The following GRHL2 variants were observed in gnomAD, a reference collection of about 807,000 sequenced individuals.
The protein encoded by GRHL2 is grainyhead like transcription factor 2, also known as grainyhead-like protein 2 homolog.
Under a neutral mutation model 83.8 loss-of-function variants are expected in GRHL2, and 21 were observed. That is an observed-to-expected ratio of 0.25 (90% CI 0.18 to 0.36). The LOEUF (loss-of-function observed/expected upper bound fraction) is 0.36. Ranked by LOEUF, GRHL2 falls within the 10% of genes least tolerant of loss-of-function variation. The pLI is 1.00. For synonymous variants in GRHL2, 280 were observed against 278.9 expected, an observed-to-expected ratio of 1.00 and a Z score of -0.04; for missense variants, 623 against 781.8, an observed-to-expected ratio of 0.80 and a Z score of 2.42.
At chr8:101,646,543 T>C (rs1813515026) in intron 13 of GRHL2, among the ~76,000 whole-genome samples, 1 of 152,232 alleles carries the variant, frequency 6.6e-6, no homozygotes, top group Admixed American at 6.5e-5. Context: ...ACTGGGCCCC[T>C]TGCTTGGAGC....
chr8:101,555,055 A>G (rs1039266885), intron 3 of GRHL2, among the ~76,000 whole-genome samples: 2 of 152,220 alleles, frequency 1.3e-5, no homozygotes, highest in African/African-American at 4.8e-5. Flanking sequence ...ACCAAATCCA[A>G]AAAATATTTT....
intron 7 of GRHL2, among the ~76,000 whole-genome samples, chr8:101,586,729 G>C (rs897692958): frequency 5.9e-5 from 9 of 152,128 alleles, no homozygotes; most frequent in African/African-American, 1.7e-4. Flanking sequence ...TTGCATAATC[G>C]ATGAGCACAC....
intron 7 of GRHL2, among the ~76,000 whole-genome samples, chr8:101,583,061 A>G (rs1812089709): frequency 6.6e-6 from 1 of 152,168 alleles, no homozygotes; most frequent in South Asian, 2.1e-4. Context: ...TTTAATAAGG[A>G]CAGACAGTGG....
intron 4 of GRHL2, chr8:101,562,175 A>G: frequency 1.6e-6 from 1 of 619,038 alleles, no homozygotes; most frequent in South Asian, 1.4e-5. Flanking sequence ...TTATAAATTT[A>G]GCTTGGCGTT....
intron 11 of GRHL2, 25 bp downstream of exon 11, chr8:101,632,390 C>T (rs1813203652): frequency 1.2e-6 from 2 of 1,613,642 alleles, no homozygotes; most frequent in East Asian, 4.5e-5. Flanking sequence ...CTAACGCCCA[C>T]CTCCCATCCA....
chr8:101,662,415 G>A (rs1307253932), intron 14 of GRHL2, among the ~76,000 whole-genome samples: 3 of 152,212 alleles, frequency 2.0e-5, no homozygotes, highest in South Asian at 4.1e-4. Flanking sequence ...AGTTCTTCCC[G>A]TGGGGTGAGA....
chr8:101,675,985 G>T, the GRHL2 span, among the ~76,000 whole-genome samples: 2 of 152,302 alleles, frequency 1.3e-5, no homozygotes, highest in Non-Finnish European at 2.9e-5. Flanking sequence ...AACAAATGAT[G>T]CTGGGAAAAC....
chr8:101,641,032 T>G (rs1385116749), intron 12 of GRHL2, among the ~76,000 whole-genome samples: 3 of 152,130 alleles, frequency 2.0e-5, no homozygotes, highest in Non-Finnish European at 2.9e-5. Context: ...CCTTTGAAAA[T>G]GATTCCTCTG....
intron 1 of GRHL2, among the ~76,000 whole-genome samples, chr8:101,537,007 C>T (rs1161369152): frequency 6.6e-6 from 1 of 151,950 alleles, no homozygotes; most frequent in African/African-American, 2.4e-5. Flanking sequence ...TTGGCTCCCA[C>T]TTATAAGTGA....
chr8:101,508,331 A>G (rs1033015429), intron 1 of GRHL2, among the ~76,000 whole-genome samples: 3 of 150,012 alleles, frequency 2.0e-5, no homozygotes, highest in Admixed American at 1.3e-4. Flanking sequence ...GTCTTTGCCA[A>G]TTTGGTAGAT....
chr8:101,627,341 T>A (rs137886309), intron 9 of GRHL2, among the ~76,000 whole-genome samples: 2 of 152,168 alleles, frequency 1.3e-5, no homozygotes, highest in Non-Finnish European at 2.9e-5. Flanking sequence ...TATTATTATA[T>A]CTGTCATGTT....
At chr8:101,587,007 C>G (rs1327116878) in intron 7 of GRHL2, among the ~76,000 whole-genome samples, 1 of 152,226 alleles carries the variant, frequency 6.6e-6, no homozygotes, top group East Asian at 1.9e-4. Context: ...AATATATATA[C>G]TCATAAACAA....
At chr8:101,561,885 A>G (rs1288774393) in intron 4 of GRHL2, 1 of 440,276 alleles carries the variant, frequency 2.3e-6, no homozygotes. Context: ...TAGGAAAGAT[A>G]TATTTTAATC....
At chr8:101,621,694 G>A (rs1370492528) in intron 9 of GRHL2, among the ~76,000 whole-genome samples, 8 of 152,146 alleles carry the variant, frequency 5.3e-5, no homozygotes, top group African/African-American at 1.7e-4. Context: ...CCAGGAGTTC[G>A]AGACCAGCTT....
At chr8:101,655,552 C>T (rs1326746199) in intron 14 of GRHL2, among the ~76,000 whole-genome samples, 1 of 152,194 alleles carries the variant, frequency 6.6e-6, no homozygotes, top group Non-Finnish European at 1.5e-5. Context: ...ACCTTCATTT[C>T]ACCTGCCAGA....
At chr8:101,644,805 C>T (rs1813475823) in intron 13 of GRHL2, among the ~76,000 whole-genome samples, 2 of 152,030 alleles carry the variant, frequency 1.3e-5, no homozygotes, top group Admixed American at 6.6e-5. Flanking sequence ...CCTGCTGCAG[C>T]CAACACTGAG....
intron 9 of GRHL2, among the ~76,000 whole-genome samples, chr8:101,625,146 G>C (rs1052953638): frequency 6.6e-6 from 1 of 152,028 alleles, no homozygotes; most frequent in African/African-American, 2.4e-5. Flanking sequence ...TATTCCAGGG[G>C]AGATTGTAGA....
chr8:101,652,343 GT>G (rs1404251271), intron 14 of GRHL2, among the ~76,000 whole-genome samples: 5 of 75,432 alleles, frequency 6.6e-5, no homozygotes, highest in African/African-American at 2.5e-4. Context: ...GTGTGTGTAT[GT>G]GTGTGGTGTG....
downstream of GRHL2, among the ~76,000 whole-genome samples, chr8:101,671,884 TCGACTGTTCTACAGCCA>T (rs1458909771): frequency 2.4e-4 from 36 of 152,202 alleles, no homozygotes; most frequent in South Asian, 4.2e-4. Context: ...TTCACCAATA[TCGACTGTTCTACAGCCA>T]CCGCTGTTCT....
Sources: gnomAD v4.1 joint callset for allele counts (sites outside exome capture counted in the v4.1 genomes callset) on GRCh38, gnomAD v4.1.1 for gene constraint, MANE v1.5 for transcripts, NCBI Gene and HGNC (gene_info 2026-07-23, HGNC 2026-07-21) for gene names.